NEBL: variants seen among roughly 807,000 people sequenced by gnomAD.
NEBL encodes nebulette, also known as LIM and SH3 protein 2.
In NEBL, 122 loss-of-function variants were observed where a neutral mutation model predicts 140.2. The observed-to-expected ratio is 0.87, with a 90% CI of 0.75 to 1.01. The LOEUF is 1.01. NEBL is among the 50% of genes least tolerant of loss of function. The pLI is 0.00. For missense variants in NEBL, 1,365 were observed against 1,231.3 expected, an observed-to-expected ratio of 1.11 and a Z score of -1.62; for synonymous variants, 436 against 398.9, an observed-to-expected ratio of 1.09 and a Z score of -1.11.
chr10:20,845,652 G>A (rs1014127461), intron 11 of NEBL, among the ~76,000 whole-genome samples: 3 of 151,994 alleles, frequency 2.0e-5, no homozygotes, highest in African/African-American at 4.8e-5. Flanking sequence ...TTTTTTGGAG[G>A]AGAACCAACA....
chr10:21,246,653 C>A (rs1406339552), intron 3 of NEBL, among the ~76,000 whole-genome samples: 1 of 151,528 alleles, frequency 6.6e-6, no homozygotes, highest in African/African-American at 2.4e-5. Flanking sequence ...TTTGTAGAGA[C>A]CTGGTCTCTA....
At chr10:21,076,913 T>A (rs1836122097) in intron 2 of NEBL, among the ~76,000 whole-genome samples, 2 of 151,404 alleles carry the variant, frequency 1.3e-5, no homozygotes, top group African/African-American at 4.9e-5. Context: ...GAGGGGGAAA[T>A]GGGGGGTTAG....
chr10:20,960,966 T>C (rs1836023992), intron 4 of NEBL, among the ~76,000 whole-genome samples: 1 of 152,192 alleles, frequency 6.6e-6, no homozygotes, highest in African/African-American at 2.4e-5. Context: ...CCATATTTCT[T>C]CTTGGATATC....
intron 1 of NEBL, among the ~76,000 whole-genome samples, chr10:21,289,017 T>G (rs1843106940): frequency 6.7e-6 from 1 of 149,824 alleles, no homozygotes; most frequent in South Asian, 2.1e-4. Context: ...CTGGCTAATT[T>G]TTGTATTTTT....
intron 2 of NEBL, among the ~76,000 whole-genome samples, chr10:21,092,255 T>C (rs1373798519): frequency 2.6e-5 from 4 of 152,222 alleles, no homozygotes; most frequent in Non-Finnish European, 5.9e-5. Flanking sequence ...TTCATTGATA[T>C]GCCATTACTA....
At chr10:21,227,025 A>G (rs1842160970) in intron 3 of NEBL, among the ~76,000 whole-genome samples, 1 of 152,110 alleles carries the variant, frequency 6.6e-6, no homozygotes, top group Non-Finnish European at 1.5e-5. Flanking sequence ...ATAAGGTAAG[A>G]TTTCACCAAT....
intron 3 of NEBL, among the ~76,000 whole-genome samples, chr10:20,970,428 C>CAAGGCAAG (rs1441067579): frequency 6.6e-6 from 1 of 152,032 alleles, no homozygotes; most frequent in Non-Finnish European, 1.5e-5. Flanking sequence ...CACTTGAGCC[C>CAAGGCAAG]AGGAGTTCAA....
At position 21,046,995 on chromosome 10, in the gene NEBL, T is replaced by C. The variant is rs1170744771; in HGVS notation, c.165-26794A>G. ...ATGGGGAAAAAAACAAGTATATATA[T>C]GATTTTAGACCATGGTCTCTTATAG... is the stretch of plus-strand genomic sequence containing the variant. On this transcript the variant is annotated intron_variant, in intron 2 of 6. Transcript: ENST00000417816. 5.3e-5 allele frequency among the ~76,000 whole-genome samples: 8 copies of C among 152,226 alleles called. No homozygotes were observed. In the East Asian group the frequency reaches 1.3e-3, roughly 26 times the overall value.
chr10:20,903,830 A>T (rs1312833689), intron 4 of NEBL, among the ~76,000 whole-genome samples: 1 of 148,424 alleles, frequency 6.7e-6, no homozygotes, highest in African/African-American at 2.6e-5. Context: ...TGGTATGCAA[A>T]GGCACATAGA....
intron 2 of NEBL, among the ~76,000 whole-genome samples, chr10:21,152,960 G>T (rs1363487677): frequency 6.6e-6 from 1 of 152,032 alleles, no homozygotes; most frequent in Non-Finnish European, 1.5e-5. Context: ...CAAAGTCTTG[G>T]TCTCCTTGGT....
At chr10:21,099,191 T>C (rs1349188818) in intron 2 of NEBL, among the ~76,000 whole-genome samples, 1 of 152,224 alleles carries the variant, frequency 6.6e-6, no homozygotes, top group Non-Finnish European at 1.5e-5. Context: ...CATAGACATA[T>C]CATTTTTTAA....
At chr10:20,900,678 A>G (rs1847825748), upstream of NEBL, among the ~76,000 whole-genome samples, 1 of 151,132 alleles carries the variant, frequency 6.6e-6, no homozygotes, top group Admixed American at 6.6e-5. Flanking sequence ...CAAAAAAAAA[A>G]AAAAAATTAG....
At position 21,121,693 on chromosome 10, in the gene NEBL, C is replaced by T. The variant is rs575493425; in HGVS notation, c.164+50690G>A. Among the ~76,000 whole-genome samples, 34 of 152,230 alleles carry T rather than the reference C, an allele frequency of 2.2e-4. No individual in the cohort carries two copies. The South Asian group carries it at 5.0e-3, about 22-fold the overall frequency. On this transcript the variant is annotated intron_variant, in intron 2 of 6. Transcript: ENST00000417816. ...CTCACAACTTCAGTATCTGAAATAG[C>T]GATGCCATCTCCGTTTAAATGTCAC...
At chr10:21,018,506 A>T (rs578015048) in intron 3 of NEBL, among the ~76,000 whole-genome samples, 89 of 152,296 alleles carry the variant, frequency 5.8e-4, no homozygotes, top group African/African-American at 2.1e-3. Flanking sequence ...CAGTATACAA[A>T]CACCAGCATT....
intron 26 of NEBL, among the ~76,000 whole-genome samples, chr10:20,795,541 G>T (rs898184120): frequency 1.3e-5 from 2 of 148,316 alleles, no homozygotes; most frequent in Non-Finnish European, 3.0e-5. Context: ...TCTCTGGGGA[G>T]AGAGAGTGTG....
intron 1 of NEBL, 35 bp downstream of exon 1, chr10:20,897,090 C>A (rs181676822): frequency 3.8e-6 from 6 of 1,594,162 alleles, no homozygotes; most frequent in East Asian, 4.5e-5. Context: ...TTTAGAGGAA[C>A]AAACGCTGGT....
In NEBL at chr10:20,896,960, C is replaced by G; in HGVS notation, c.151G>C (p.Asp51His). ...CAAAAATTACTCCAGCCACTTACAT[C>G]GCTAATGAGTTCCGTGCATTTTCTG... ...LARKCTELIS[D>H]IRYKEEFKKS... Residue 51 changes from aspartate (D) to histidine (H), a missense_variant and splice_region_variant, in exon 2 of 28, where the codon GAT (aspartate) becomes CAT (histidine). Coordinates refer to ENST00000377122, the MANE Select transcript of NEBL (RefSeq NM_006393.3). 1 of 1,613,534 alleles carries G rather than the reference C, an allele frequency of 6.2e-7. No homozygotes were observed. Among genetic ancestry groups the G allele is most frequent in the Non-Finnish European group, 8.5e-7 (1 of 1,179,588 alleles).
At chr10:21,111,943 A>G in intron 2 of NEBL, among the ~76,000 whole-genome samples, 1 of 152,244 alleles carries the variant, frequency 6.6e-6, no homozygotes, top group Non-Finnish European at 1.5e-5. Context: ...ATGAACAAAC[A>G]CTTCTCAAAG....
intron 3 of NEBL, among the ~76,000 whole-genome samples, chr10:21,184,873 C>T (rs1249660810): frequency 3.9e-5 from 6 of 152,036 alleles, no homozygotes. Context: ...GCCTGGTGTA[C>T]CCGAGACTGT....
Sources: gnomAD v4.1 joint callset for allele counts (sites outside exome capture counted in the v4.1 genomes callset) on GRCh38, gnomAD v4.1.1 for gene constraint, MANE v1.5 for transcripts, NCBI Gene and HGNC (gene_info 2026-07-23, HGNC 2026-07-21) for gene names.